The following LRRC37A variants were observed in gnomAD, a reference collection of about 807,000 sequenced individuals.
LRRC37A encodes the protein leucine rich repeat containing 37A, also known as leucine-rich repeat-containing protein 37A.
A neutral mutation model predicts 35.4 loss-of-function variants in LRRC37A; 3 were observed. The observed-to-expected ratio is 0.08, with a 90% CI of 0.04 to 0.22. The LOEUF (loss-of-function observed/expected upper bound fraction) is 0.22, where lower values mean the gene tolerates loss of function less well. Ranked by LOEUF, LRRC37A falls within the 10% of genes least tolerant of loss-of-function variation. The pLI is 1.00. For synonymous variants in LRRC37A, 23 were observed against 215.0 expected (o/e 0.11, Z 7.81); for missense variants, 67 against 565.3 (o/e 0.12, Z 8.94).
the LRRC37A span, among the ~76,000 whole-genome samples, chr17:46,248,416 CCT>C: frequency 0.13 from 19,699 of 151,782 alleles, 1 homozygote; most frequent in Middle Eastern, 0.2. Context: ...ACCGTCAGCC[CCT>C]GTTAGCTACT....
the LRRC37A span, among the ~76,000 whole-genome samples, chr17:46,281,054 G>T: frequency 2.0e-5 from 3 of 152,126 alleles, no homozygotes; most frequent in African/African-American, 7.2e-5. Flanking sequence ...AGCACTAAAT[G>T]TTGTAGCGGA....
chr17:46,252,201 C>T, the LRRC37A span, among the ~76,000 whole-genome samples: 1 of 143,956 alleles, frequency 6.9e-6, no homozygotes, highest in Non-Finnish European at 1.5e-5. Context: ...GGTCACCATT[C>T]TTTGATTCAT....
the LRRC37A span, among the ~76,000 whole-genome samples, chr17:46,267,868 T>A: frequency 6.7e-6 from 1 of 149,118 alleles, no homozygotes; most frequent in Non-Finnish European, 1.5e-5. Flanking sequence ...GGAGGGTTGG[T>A]AGCGGGGAAT....
the LRRC37A span, among the ~76,000 whole-genome samples, chr17:46,263,854 C>CAAAAAA: frequency 1.0e-5 from 1 of 96,252 alleles, no homozygotes; most frequent in Non-Finnish European, 2.1e-5. Flanking sequence ...GACTCTGTCT[C>CAAAAAA]AAAAAAAAAA....
chr17:46,256,825 T>C, the LRRC37A span, among the ~76,000 whole-genome samples: 1 of 151,986 alleles, frequency 6.6e-6, no homozygotes, highest in Non-Finnish European at 1.5e-5. Context: ...TCTTATGGAA[T>C]AAAGTATTGA....
chr17:46,268,198 T>C, the LRRC37A span, among the ~76,000 whole-genome samples: 1 of 152,224 alleles, frequency 6.6e-6, no homozygotes, highest in African/African-American at 2.4e-5. Context: ...TTTGTATTTT[T>C]AGTACAGATG....
the LRRC37A span, chr17:46,275,557 C>A: frequency 2.0e-6 from 1 of 505,514 alleles, no homozygotes; most frequent in South Asian, 1.7e-5. Context: ...TAGAAAAGAA[C>A]GATTAAGAAA....
chr17:46,258,092 C>T, the LRRC37A span, among the ~76,000 whole-genome samples: 1 of 152,220 alleles, frequency 6.6e-6, no homozygotes, highest in Non-Finnish European at 1.5e-5. Flanking sequence ...GGCTTACTAC[C>T]TGGACTTCTC....
chr17:46,276,717 T>C, the LRRC37A span, among the ~76,000 whole-genome samples: 2 of 152,170 alleles, frequency 1.3e-5, no homozygotes, highest in Non-Finnish European at 2.9e-5. Context: ...TGGAAAGCAA[T>C]AGAAATTCCC....
At chr17:46,314,766 TC>T (rs2050979401) in intron 5 of LRRC37A, among the ~76,000 whole-genome samples, 1 of 81,852 alleles carries the variant, frequency 1.2e-5, no homozygotes, top group African/African-American at 3.1e-5. Flanking sequence ...CAAGCATTTT[TC>T]CATCTACATT....
chr17:46,248,449 T>C, the LRRC37A span, among the ~76,000 whole-genome samples: 16 of 152,072 alleles, frequency 1.1e-4, no homozygotes, highest in East Asian at 2.3e-3. Context: ...CCTATAGTTT[T>C]GCCTTTTCCA....
the LRRC37A span, among the ~76,000 whole-genome samples, chr17:46,261,821 T>C: frequency 1.5e-4 from 23 of 152,330 alleles, no homozygotes; most frequent in South Asian, 4.1e-4. Flanking sequence ...GTTATACTTA[T>C]GCAGGTATTC....
chr17:46,282,785 C>T, the LRRC37A span, among the ~76,000 whole-genome samples: 2 of 152,308 alleles, frequency 1.3e-5, no homozygotes, highest in Middle Eastern at 3.4e-3. Flanking sequence ...TTCCTTGCTA[C>T]AGAAGAGAGA....
chr17:46,260,442 C>G, the LRRC37A span: 1 of 1,563,376 alleles, frequency 6.4e-7, no homozygotes, highest in Non-Finnish European at 8.6e-7. Context: ...CCGATGAACA[C>G]CTCTGACCCA....
chr17:46,255,905 G>A, the LRRC37A span, among the ~76,000 whole-genome samples: 2 of 149,416 alleles, frequency 1.3e-5, no homozygotes, highest in Non-Finnish European at 3.0e-5. Flanking sequence ...TCGATCTCCT[G>A]ACCTCGTGAT....
chr17:46,288,425 C>G (rs1324781701), upstream of LRRC37A, among the ~76,000 whole-genome samples: 1 of 151,102 alleles, frequency 6.6e-6, no homozygotes, highest in African/African-American at 2.4e-5. Flanking sequence ...TCTCTTGCCT[C>G]AGCTTCCCAA....
At chr17:46,291,649 G>A (rs535658865), upstream of LRRC37A, among the ~76,000 whole-genome samples, 11 of 152,132 alleles carry the variant, frequency 7.2e-5, no homozygotes, top group East Asian at 1.9e-4. Flanking sequence ...GGGCCCATAC[G>A]GTGGCTCATG....
rs1308338962 is a variant in LRRC37A at position 46,331,212 on chromosome 17, C to A, written c.3935C>A (p.Ser1312Tyr). The A allele has an allele frequency of 4.1e-6, 3 of 725,940 alleles. No individual in the cohort carries two copies. The East Asian group carries it at 7.7e-5, about 19-fold the overall frequency. 45.0% of individuals were successfully genotyped at this position (725,940 alleles called of 1,614,324 possible). A position where few individuals can be genotyped will look rare whatever the true frequency, so the allele number is the denominator to read the frequency against. Residue 1312 changes from serine (S) to tyrosine (Y), a missense_variant, in exon 9 of 14, where the codon TCC (serine) becomes TAC (tyrosine). Ser to Tyr is a moderately radical substitution (Grantham distance 144). Transcript: ENST00000320254. ...AAATACCGCTTTCACAAAACTCGCTCCCACGTGACCCACAGAACAACCAAA... is the reference window on the plus strand; with the variant it reads ...AAATACCGCTTTCACAAAACTCGCTACCACGTGACCCACAGAACAACCAAA...
the LRRC37A span, among the ~76,000 whole-genome samples, chr17:46,266,211 C>A: frequency 6.6e-6 from 1 of 152,172 alleles, no homozygotes. Flanking sequence ...TGTTGTTGAC[C>A]TAATCTAGAA....
Sources: gnomAD v4.1 joint callset for allele counts (sites outside exome capture counted in the v4.1 genomes callset) on GRCh38, gnomAD v4.1.1 for gene constraint, MANE v1.5 for transcripts, NCBI Gene and HGNC (gene_info 2026-07-23, HGNC 2026-07-21) for gene names.